Variants in RANBP3 observed in about 807,000 individuals in gnomAD.
RANBP3 encodes RAN binding protein 3, also known as ran-binding protein 3.
Under a neutral mutation model 77.3 loss-of-function variants are expected in RANBP3, and 14 were observed. The ratio of observed to expected loss-of-function variants is 0.18; its 90% CI spans 0.12 to 0.28. The LOEUF is 0.28. Ranked by LOEUF, RANBP3 falls within the 10% of genes least tolerant of loss-of-function variation. The probability of loss-of-function intolerance (pLI) is 1.00; values close to 1 mark genes in which losing one functional copy is unlikely to be tolerated. For synonymous variants in RANBP3, 315 were observed against 312.4 expected (o/e 1.01, Z -0.09); for missense variants, 586 against 752.3 (o/e 0.78, Z 2.59).
chr19:5,944,219 C>A (rs1226877051), intron 3 of RANBP3, among the ~76,000 whole-genome samples: 1 of 152,182 alleles, frequency 6.6e-6, no homozygotes, highest in African/African-American at 2.4e-5. Context: ...CTTTAGAGCT[C>A]AAGGCAGGCA....
At position 5,923,897 on chromosome 19, in the gene RANBP3, G is replaced by A. The variant is rs747085463; in HGVS notation, c.1014C>T (p.Asn338=). The change falls in exon 12 of 17, where the codon AAC becomes AAT. Residue 338 remains asparagine (N), a synonymous_variant. Transcript: ENST00000340578. ...CCCTGTTGGCATCTGAACTGACCTC[G>A]TTTAATTTTGGGGGGCTCTGCAGGG... ...SERVLSPPKL[N]EVSSDANREN... is the part of the protein sequence containing the mutation. 26 of 1,613,914 alleles carry A rather than the reference G, an allele frequency of 1.6e-5. No homozygotes were observed. The highest frequency in any genetic ancestry group is 1.5e-4 in the African/African-American group (11 of 74,914).
intron 1 of RANBP3, among the ~76,000 whole-genome samples, chr19:5,964,146 G>C (rs905351322): frequency 2.6e-5 from 4 of 152,206 alleles, no homozygotes; most frequent in Non-Finnish European, 5.9e-5. Flanking sequence ...GACCAGCTGG[G>C]ATTCCCCAGG....
intron 8 of RANBP3, among the ~76,000 whole-genome samples, chr19:5,930,322 G>A (rs2057972117): frequency 1.3e-5 from 2 of 152,262 alleles, no homozygotes; most frequent in South Asian, 2.1e-4. Context: ...TTCACCCTTT[G>A]AGCCAGAACA....
In RANBP3 at chr19:5,923,732, C is replaced by A. The variant is rs73920089; in HGVS notation, c.1099+80G>T. The A allele has an allele frequency of 5.5e-3, 6,479 of 1,183,462 alleles. 259 individuals are homozygous for A. The African/African-American group carries it at 0.088, about 16-fold the overall frequency. 73.3% of individuals were successfully genotyped at this position (1,183,462 alleles called of 1,614,324 possible). ...CGGGAGTCGGGCCCCTTATCCCTCC[C>A]GGCTGGGGGTGTGAATGGACCCAGC... On this transcript the variant is annotated intron_variant, in intron 12 of 16. Coordinates refer to ENST00000340578, the MANE Select transcript of RANBP3 (RefSeq NM_007322.3).
chr19:5,928,588 G>C (rs1159711145), intron 8 of RANBP3: 4 of 151,898 alleles, frequency 2.6e-5, no homozygotes, highest in Admixed American at 2.6e-4. Context: ...TGTGTGTGGT[G>C]TGTGTGTGTG....
At chr19:5,938,428 G>A (rs375473506) in intron 5 of RANBP3, among the ~76,000 whole-genome samples, 10 of 152,296 alleles carry the variant, frequency 6.6e-5, no homozygotes, top group East Asian at 1.9e-4. Context: ...GGTGGCTCAC[G>A]CCTGTAATCC....
intron 3 of RANBP3, among the ~76,000 whole-genome samples, chr19:5,944,910 G>A (rs2058184674): frequency 6.6e-6 from 1 of 152,152 alleles, no homozygotes; most frequent in African/African-American, 2.4e-5. Flanking sequence ...CTGGTCCTGG[G>A]GGATCTGTCC....
At chr19:5,973,461 A>G (rs2058553212) in intron 1 of RANBP3, among the ~76,000 whole-genome samples, 1 of 152,222 alleles carries the variant, frequency 6.6e-6, no homozygotes, top group African/African-American at 2.4e-5. Flanking sequence ...TTAGTGGGGT[A>G]GAGGCCAGGG....
chr19:5,932,998 G>A (rs2058014902), intron 6 of RANBP3: 2 of 254,750 alleles, frequency 7.9e-6, no homozygotes, highest in Admixed American at 5.2e-5. Context: ...GCCCTGCCCT[G>A]TGCAGCATCC....
Position 5,928,018 on chromosome 19 carries a change from C to T in RANBP3, c.763G>A (p.Ala255Thr), listed in dbSNP as rs201812693. ...CCAAATACAAAGGCTTGCTGTGTGG[C>T]GGGGTCTTTTTTCTCACAGGCTTCC... ...EEEACEKKDP[A>T]TQQAFVFGQN... Residue 255 changes from alanine to threonine, a missense_variant, in exon 9 of 17, where the codon GCC (alanine) becomes ACC (threonine). Transcript: ENST00000340578. 339 of 1,613,686 alleles carry T rather than the reference C, an allele frequency of 2.1e-4. 1 individual carries two copies. The Middle Eastern group carries it at 2.8e-3, about 13-fold the overall frequency.
rs140767456 is a variant in RANBP3 at position 5,922,722 on chromosome 19, A to T, written c.1209+472T>A. ...TGGGAGGCCGAGGCGGGTGGATCAC[A>T]TGAGGTCAGGAGTTTGAGACCAGCC... On this transcript the variant is annotated intron_variant, in intron 13 of 16. Coordinates refer to ENST00000340578, the MANE Select transcript of RANBP3 (RefSeq NM_007322.3). Among the ~76,000 whole-genome samples, 1,266 of 152,210 alleles carry T rather than the reference A, an allele frequency of 8.3e-3. 14 individuals are homozygous for T. Among genetic ancestry groups the T allele is most frequent in the African/African-American group, 0.023 (968 of 41,534 alleles).
intron 2 of RANBP3, among the ~76,000 whole-genome samples, chr19:5,953,075 A>G (rs2058294687): frequency 1.3e-5 from 2 of 152,224 alleles, no homozygotes; most frequent in Admixed American, 1.3e-4. Context: ...TCAAAATGCT[A>G]AACAGGAGGA....
At chr19:5,970,702 AG>A (rs2058520207) in intron 1 of RANBP3, among the ~76,000 whole-genome samples, 1 of 152,206 alleles carries the variant, frequency 6.6e-6, no homozygotes, top group South Asian at 2.1e-4. Context: ...CTCTCTACTC[AG>A]GCATCCAATT....
rs534492072 is a variant in RANBP3, at chr19:5,917,547, G to T, written c.*63C>A. Reference sequence around the variant, plus strand: ...CCTGGACGCTGCCGGTGGGGTGGGGGCGGGTGGGCGGGTGGATAGACGGAC... The same window carrying T: ...CCTGGACGCTGCCGGTGGGGTGGGGTCGGGTGGGCGGGTGGATAGACGGAC... On this transcript the variant is annotated 3_prime_UTR_variant, in exon 17 of 17. Coordinates refer to ENST00000340578, the MANE Select transcript of RANBP3 (RefSeq NM_007322.3). The T allele has an allele frequency of 4.7e-5, 70 of 1,489,502 alleles. No individual in the cohort carries two copies. The East Asian group carries it at 1.7e-3, about 36-fold the overall frequency. 92.3% of individuals were successfully genotyped at this position (1,489,502 alleles called of 1,614,324 possible).
chr19:5,952,814 C>T lies in RANBP3; in HGVS notation c.79-1218G>A, dbSNP rs887638191. ...AAAAGTAATCAAGGGGACACTGTCG[C>T]CTCTTCGTATCCAGGGCAGAGCCAC... On this transcript the variant is annotated intron_variant, in intron 2 of 16. Transcript: ENST00000340578. The surrounding 1 kb of genome is among the most constrained non-coding windows in gnomAD (Gnocchi z 4.1). 6.6e-6 allele frequency among the ~76,000 whole-genome samples: 1 copy of T among 152,186 alleles called. No individual in the cohort carries two copies. Among genetic ancestry groups the T allele is most frequent in the African/African-American group, 2.4e-5 (1 of 41,446 alleles).
intron 8 of RANBP3, among the ~76,000 whole-genome samples, chr19:5,931,043 C>G (rs887122568): frequency 1.3e-5 from 2 of 152,204 alleles, no homozygotes; most frequent in African/African-American, 4.8e-5. Flanking sequence ...AGTGACTCCT[C>G]AGAGTGCAGT....
At chr19:5,931,603 G>A (rs2057993064) in intron 7 of RANBP3, 72 bp from the exon 8 acceptor site, 1 of 1,522,440 alleles carries the variant, frequency 6.6e-7, no homozygotes, top group African/African-American at 1.4e-5. Context: ...CATAGCTGAG[G>A]GGCTGGGCCA....
At chr19:5,977,442 T>A (rs1340482718) in intron 1 of RANBP3, among the ~76,000 whole-genome samples, 1 of 151,160 alleles carries the variant, frequency 6.6e-6, no homozygotes, top group East Asian at 2.0e-4. Context: ...GCGGCCCAGA[T>A]CCTGCGGCGG....
intron 2 of RANBP3, among the ~76,000 whole-genome samples, chr19:5,956,759 C>G (rs1442751080): frequency 6.6e-6 from 1 of 152,206 alleles, no homozygotes; most frequent in African/African-American, 2.4e-5. Context: ...GGCTTTGGGA[C>G]AGGACCTAAG....
Sources: allele counts gnomAD v4.1 joint callset (sites outside exome capture counted in the v4.1 genomes callset), GRCh38; gene constraint gnomAD v4.1.1; non-coding constraint Gnocchi (gnomAD v3.1); transcripts MANE v1.5; gene names NCBI Gene and HGNC (gene_info 2026-07-23, HGNC 2026-07-21).